The following DIAPH3 variants were observed in gnomAD, a reference collection of about 807,000 sequenced individuals.
DIAPH3 encodes protein diaphanous homolog 3.
DIAPH3 carries 117 observed loss-of-function variants against 144.3 expected under a neutral mutation model. That is an observed-to-expected ratio of 0.81 (90% CI 0.70 to 0.95). The LOEUF (loss-of-function observed/expected upper bound fraction) is 0.95, where lower values mean the gene tolerates loss of function less well. Among genes scored for constraint, DIAPH3 ranks in the 40% least tolerant of loss-of-function variants. The pLI is 0.00. For synonymous variants in DIAPH3, 519 were observed against 488.9 expected (o/e 1.06, Z -0.81); for missense variants, 1,421 against 1,412.7 (o/e 1.01, Z -0.09).
rs756449325 is a variant in DIAPH3 at position 59,971,052 on chromosome 13, C to T, written c.1759G>A (p.Val587Met). 2.5e-6 allele frequency: 4 copies of T among 1,613,418 alleles called. No individual in the cohort carries two copies. The South Asian group carries it at 3.3e-5, about 13-fold the overall frequency. The stretch of plus-strand genomic sequence containing the variant: ...GGTGGGGGAGGAGGTGGAGGCGGCA[C>T]CCCTCCACCAGAAGGCAGTGGAGGC... ...PPPPLPSGGG[V>M]PPPPPPPPPP... Residue 587 changes from valine (V) to methionine (M), a missense_variant, in exon 16 of 28, where the codon GTG (valine) becomes ATG (methionine). By Grantham distance (21) the Val-to-Met change is conservative. Coordinates refer to ENST00000400324, the MANE Select transcript of DIAPH3 (RefSeq NM_001042517.2).
At chr13:59,719,478 A>T (rs1378323785) in intron 27 of DIAPH3, among the ~76,000 whole-genome samples, 1 of 152,150 alleles carries the variant, frequency 6.6e-6, no homozygotes, top group Non-Finnish European at 1.5e-5. Flanking sequence ...GAATTAAATG[A>T]AGCCTGCCTT....
chr13:59,833,113 T>C lies in DIAPH3; in HGVS notation c.3021A>G (p.Thr1007=), dbSNP rs1282240674. ...FLTDLNNFRT[T]FMQAIKENIK... is the part of the protein sequence containing the mutation. ...AACAATTTTTTTACCATACCATGAATGTGGTTCTGAAGTTATTCAGGTCAG... is the reference window on the plus strand; with the variant it reads ...AACAATTTTTTTACCATACCATGAACGTGGTTCTGAAGTTATTCAGGTCAG... The change falls in exon 24 of 28, where the codon ACA becomes ACG. Residue 1007 remains threonine, a synonymous_variant. Transcript: ENST00000400324. 1 of 1,608,414 alleles carries C rather than the reference T, an allele frequency of 6.2e-7. No individual in the cohort carries two copies. The highest frequency in any genetic ancestry group is 1.3e-5 in the African/African-American group (1 of 74,742).
chr13:59,670,931 A>T (rs2032338572), intron 27 of DIAPH3, among the ~76,000 whole-genome samples: 1 of 152,024 alleles, frequency 6.6e-6, no homozygotes, highest in South Asian at 2.1e-4. Context: ...GCTGGGGATA[A>T]GCTATCTACC....
At chr13:59,692,007 A>G (rs1181456213) in intron 27 of DIAPH3, among the ~76,000 whole-genome samples, 1 of 152,162 alleles carries the variant, frequency 6.6e-6, no homozygotes, top group Non-Finnish European at 1.5e-5. Flanking sequence ...AGCTAAGTAT[A>G]GAATTTAGAA....
intron 21 of DIAPH3, among the ~76,000 whole-genome samples, chr13:59,877,021 T>C (rs2044674208): frequency 6.6e-6 from 1 of 152,098 alleles, no homozygotes; most frequent in Non-Finnish European, 1.5e-5. Context: ...CACTACATTC[T>C]ACCTCAAACC....
chr13:59,871,194 T>TCG (rs1566443916), intron 21 of DIAPH3, among the ~76,000 whole-genome samples: 1 of 92,524 alleles, frequency 1.1e-5, no homozygotes, highest in East Asian at 4.4e-4. Context: ...TCCATTTTTT[T>TCG]TGGGGGGGGG....
chr13:59,765,223 G>T (rs1471006257), intron 27 of DIAPH3, among the ~76,000 whole-genome samples: 1 of 152,148 alleles, frequency 6.6e-6, no homozygotes. Context: ...TTCATAGCAA[G>T]AAAATTAATT....
chr13:60,155,732 C>T (rs1345589582), intron 1 of DIAPH3, among the ~76,000 whole-genome samples: 2 of 152,244 alleles, frequency 1.3e-5, no homozygotes, highest in East Asian at 3.9e-4. Context: ...AATGAAGGAA[C>T]AAGTTCAAAA....
chr13:59,884,297 T>G (rs921951416), intron 20 of DIAPH3, among the ~76,000 whole-genome samples: 4 of 152,156 alleles, frequency 2.6e-5, no homozygotes, highest in African/African-American at 9.7e-5. Context: ...GGGCTCCCAC[T>G]GATTCTACAT....
intron 5 of DIAPH3, among the ~76,000 whole-genome samples, chr13:60,028,213 T>C (rs963199873): frequency 1.3e-5 from 2 of 152,138 alleles, no homozygotes; most frequent in Non-Finnish European, 2.9e-5. Context: ...TCTCCTTTCT[T>C]TTATAGCAAA....
At chr13:59,969,477 T>C (rs1037548137) in intron 17 of DIAPH3, among the ~76,000 whole-genome samples, 1 of 152,202 alleles carries the variant, frequency 6.6e-6, no homozygotes, top group Non-Finnish European at 1.5e-5. Flanking sequence ...GGTGGTTTGC[T>C]GCACCCATCA....
chr13:60,153,345 T>C (rs1594793356), intron 1 of DIAPH3: 1 of 152,144 alleles, frequency 6.6e-6, no homozygotes, highest in South Asian at 2.1e-4. Flanking sequence ...AACAGTTTTA[T>C]AACATTTACT....
chr13:59,990,710 G>C (rs549644584), intron 12 of DIAPH3, among the ~76,000 whole-genome samples: 103 of 151,934 alleles, frequency 6.8e-4, no homozygotes, highest in Middle Eastern at 3.4e-3. Flanking sequence ...ATCTTTAAAA[G>C]CCATTTGTCT....
intron 17 of DIAPH3, among the ~76,000 whole-genome samples, chr13:59,944,114 T>A (rs1426242237): frequency 6.6e-6 from 1 of 151,980 alleles, no homozygotes; most frequent in Non-Finnish European, 1.5e-5. Flanking sequence ...CTTGAGAGGC[T>A]GAGGCAGGAG....
chr13:59,845,963 G>A (rs1271551537), intron 22 of DIAPH3, among the ~76,000 whole-genome samples: 1 of 152,060 alleles, frequency 6.6e-6, no homozygotes, highest in Non-Finnish European at 1.5e-5. Flanking sequence ...AACCTCGCCA[G>A]ATAAGAGCGT....
intron 17 of DIAPH3, 130 bp from the exon 18 acceptor site, chr13:59,925,000 AAT>A: frequency 7.0e-7 from 1 of 1,427,244 alleles, no homozygotes; most frequent in South Asian, 1.4e-5. Flanking sequence ...TATAAAAACA[AAT>A]AAAACGATAG....
intron 20 of DIAPH3, among the ~76,000 whole-genome samples, chr13:59,911,044 A>T (rs536272160): frequency 1.3e-5 from 2 of 152,082 alleles, no homozygotes; most frequent in Admixed American, 1.3e-4. Flanking sequence ...AAAAATAAAC[A>T]ATCTTATTAG....
At chr13:59,984,819 G>A (rs2051287084) in intron 12 of DIAPH3, among the ~76,000 whole-genome samples, 2 of 127,280 alleles carry the variant, frequency 1.6e-5, no homozygotes, top group Admixed American at 1.7e-4. Flanking sequence ...CTGAAATTGG[G>A]GCAATAATCA....
At chr13:60,060,496 A>G (rs976237661) in intron 4 of DIAPH3, among the ~76,000 whole-genome samples, 2 of 152,148 alleles carry the variant, frequency 1.3e-5, no homozygotes, top group African/African-American at 4.8e-5. Flanking sequence ...AAGCAAAAGA[A>G]GAAAGTACTC....
Sources: allele counts gnomAD v4.1 joint callset (sites outside exome capture counted in the v4.1 genomes callset), GRCh38; gene constraint gnomAD v4.1.1; transcripts MANE v1.5; gene names NCBI Gene and HGNC (gene_info 2026-07-23, HGNC 2026-07-21).